SHE: variants seen among roughly 807,000 people sequenced by gnomAD.
SHE encodes SH2 domain-containing adapter protein E.
A neutral mutation model predicts 49.8 loss-of-function variants in SHE; 11 were observed. The observed-to-expected ratio is 0.22, with a 90% CI of 0.14 to 0.37. The LOEUF is 0.37. Ranked by LOEUF, SHE falls within the 10% of genes least tolerant of loss-of-function variation. The pLI, the probability that SHE is intolerant of heterozygous loss-of-function variation, is 1.00. For synonymous variants in SHE, 310 were observed against 278.1 expected (o/e 1.11, Z -1.14); for missense variants, 624 against 655.5 (o/e 0.95, Z 0.52).
rs1692024126 is a variant in SHE, at chr1:154,481,774, C to T, written c.*2375G>A. The T allele has an allele frequency of 1.0e-6, 1 of 963,010 alleles. No individual in the cohort carries two copies. The highest frequency in any genetic ancestry group is 4.8e-5 in the South Asian group (1 of 20,802). 59.7% of individuals were successfully genotyped at this position (963,010 alleles called of 1,614,324 possible). A position where few individuals can be genotyped will look rare whatever the true frequency, so the allele number is the denominator to read the frequency against. On this transcript the variant is annotated 3_prime_UTR_variant, in exon 6 of 6. Coordinates refer to ENST00000304760, the MANE Select transcript of SHE (RefSeq NM_001010846.3). ...TGAAAAAACCTTTTAAAATCTTACA[C>T]TAAAGATATAGTAAATGAACCAATA... is the stretch of plus-strand genomic sequence containing the variant.
At chr1:154,501,384 C>T in intron 1 of SHE, 52 bp downstream of exon 1, 1 of 1,574,532 alleles carries the variant, frequency 6.4e-7, no homozygotes, top group Non-Finnish European at 8.7e-7. Flanking sequence ...TTAGCAGGCG[C>T]CCAGGGCTCC....
downstream of SHE, among the ~76,000 whole-genome samples, chr1:154,477,168 G>A (rs1313691484): frequency 6.6e-6 from 1 of 152,210 alleles, no homozygotes; most frequent in Non-Finnish European, 1.5e-5. Flanking sequence ...TGTCCTGGAG[G>A]TGGAGATGGA....
intron 4 of SHE, 103 bp downstream of exon 4, chr1:154,486,424 C>CATTAACA (rs1332891662): frequency 5.2e-5 from 76 of 1,470,294 alleles, no homozygotes; most frequent in Non-Finnish European, 6.5e-5. Context: ...GGCAAGTGTT[C>CATTAACA]ATTAACAAAA....
chr1:154,478,367 C>T (rs1054746025), downstream of SHE, among the ~76,000 whole-genome samples: 4 of 141,722 alleles, frequency 2.8e-5, no homozygotes, highest in Non-Finnish European at 4.5e-5. Context: ...GGCTGTGCAG[C>T]GAAGAAAATG....
rs1692627851 is a variant in SHE at position 154,499,131 on chromosome 1, A to T, written c.699T>A (p.Asp233Glu). 3.1e-6 allele frequency: 5 copies of T among 1,614,162 alleles called. No individual in the cohort carries two copies. Among genetic ancestry groups the T allele is most frequent in the Non-Finnish European group, 4.2e-6 (5 of 1,180,012 alleles). The change falls in exon 2 of 6, where the codon GAT (aspartate) becomes GAA (glutamate). Residue 233 changes from aspartate (D) to glutamate (E), a missense_variant. Physicochemically the swap from Asp to Glu is conservative, Grantham distance 45. This residue lies in a region of SHE where 7 missense variants were observed against 25.7 expected (regional missense o/e 0.27). Coordinates refer to ENST00000304760, the MANE Select transcript of SHE (RefSeq NM_001010846.3). ...ACAAACCTGTTATCATTTGCTGTGCATCATATGGTTCCATGTAACCGTCGT... is the reference window on the plus strand; with the variant it reads ...ACAAACCTGTTATCATTTGCTGTGCTTCATATGGTTCCATGTAACCGTCGT... Reference protein sequence around the residue: ...GENDGYMEPYDAQQMITEIRR... With the variant: ...GENDGYMEPYEAQQMITEIRR...
chr1:154,470,208 G>A (rs2149284878), exon 2 of SHE: 1 of 763,986 alleles, frequency 1.3e-6, no homozygotes, highest in Non-Finnish European at 1.9e-6. Context: ...TGTCACCCAG[G>A]TGGCCAGGCT....
At chr1:154,477,771 G>A (rs1468877802), downstream of SHE, among the ~76,000 whole-genome samples, 2 of 151,554 alleles carry the variant, frequency 1.3e-5, no homozygotes, top group East Asian at 3.9e-4. Context: ...CATGCCTGTA[G>A]TCCCAGCTAC....
chr1:154,497,584 A>T (rs1692570846), intron 2 of SHE, among the ~76,000 whole-genome samples: 1 of 152,272 alleles, frequency 6.6e-6, no homozygotes, highest in Non-Finnish European at 1.5e-5. Flanking sequence ...CTTAGCTCAC[A>T]AACTGGAATT....
chr1:154,479,601 A>C lies in SHE; in HGVS notation c.*4548T>G. ...AGTTTTATAAAATATTTCTGATTTA[A>C]ATTACTAAGGCACTATAGATAGACA... On this transcript the variant is annotated 3_prime_UTR_variant, in exon 6 of 6. Coordinates refer to ENST00000304760, the MANE Select transcript of SHE (RefSeq NM_001010846.3). 1 of 971,894 alleles carries C rather than the reference A, an allele frequency of 1.0e-6. No homozygotes were observed. Among genetic ancestry groups the C allele is most frequent in the Non-Finnish European group, 1.2e-6 (1 of 817,682 alleles). The allele number at this position is 971,894 out of a possible 1,614,324, so 60.2% of individuals were successfully genotyped here. A position where few individuals can be genotyped will look rare whatever the true frequency, so the allele number is the denominator to read the frequency against.
At chr1:154,500,673 G>A (rs548219779) in intron 1 of SHE, among the ~76,000 whole-genome samples, 1 of 152,310 alleles carries the variant, frequency 6.6e-6, no homozygotes, top group African/African-American at 2.4e-5. Context: ...AATGGAGGGA[G>A]TCCCTTCCTA....
At chr1:154,486,785 A>G (rs1692194328) in intron 3 of SHE, 102 bp from the exon 4 acceptor site, 2 of 1,355,746 alleles carry the variant, frequency 1.5e-6, no homozygotes, top group African/African-American at 2.9e-5. Context: ...GGAAAGAAGC[A>G]TTTTCCCCCT....
chr1:154,485,811 A>G, intron 5 of SHE, 132 bp downstream of exon 5: 1 of 1,125,924 alleles, frequency 8.9e-7, no homozygotes, highest in Non-Finnish European at 1.3e-6. Flanking sequence ...TCCATTGTCC[A>G]AACAAATGCC....
rs779645667 is a variant in SHE at position 154,494,374 on chromosome 1, G to GTTTT, written c.718+4734_718+4737dup. ...ATCACAGGCAAAGACAGACATAACA[G>GTTTT]TTTTTTTTTTTTTTTTTTTTTTAGA... On this transcript the variant is annotated intron_variant, in intron 2 of 5. Transcript: ENST00000304760. Among the ~76,000 whole-genome samples, 150 of 118,750 alleles carry GTTTT rather than the reference G, an allele frequency of 1.3e-3. 2 individuals carry two copies. Among genetic ancestry groups the GTTTT allele is most frequent in the African/African-American group, 2.6e-3 (84 of 32,180 alleles). The allele number at this position is 118,750 out of a possible 152,430, so 77.9% of individuals were successfully genotyped here. A position where few individuals can be genotyped will look rare whatever the true frequency, so the allele number is the denominator to read the frequency against.
chr1:154,497,672 A>T (rs1056101827), intron 2 of SHE, among the ~76,000 whole-genome samples: 1 of 150,740 alleles, frequency 6.6e-6, no homozygotes, highest in African/African-American at 2.4e-5. Flanking sequence ...CACAGCAATG[A>T]TTTTTTTTTC....
At position 154,483,725 on chromosome 1, in the gene SHE, C is replaced by A; in HGVS notation, c.*424G>T. 1.0e-6 allele frequency: 1 copy of A among 997,146 alleles called. No homozygotes were observed. The highest frequency in any genetic ancestry group is 1.2e-6 in the Non-Finnish European group (1 of 837,216). 61.8% of individuals were successfully genotyped at this position (997,146 alleles called of 1,614,324 possible). Reference sequence around the variant, plus strand: ...CCAAAGACTTGGCCGGGTGCAGTGGCTCATGCCTGTAATCCAGGCACTCGG... The same window carrying A: ...CCAAAGACTTGGCCGGGTGCAGTGGATCATGCCTGTAATCCAGGCACTCGG... On this transcript the variant is annotated 3_prime_UTR_variant, in exon 6 of 6. Coordinates refer to ENST00000304760, the MANE Select transcript of SHE (RefSeq NM_001010846.3).
chr1:154,497,311 AACAGAAGAGACAAAG>A (rs1168288055), intron 2 of SHE, among the ~76,000 whole-genome samples: 1 of 152,242 alleles, frequency 6.6e-6, no homozygotes, highest in Non-Finnish European at 1.5e-5. Flanking sequence ...ATCTGTTCTA[AACAGAAGAGACAAAG>A]TCTTTCATGT....
chr1:154,495,940 T>C lies in SHE; in HGVS notation c.718+3172A>G, dbSNP rs1054082039. On this transcript the variant is annotated intron_variant, in intron 2 of 5. Coordinates refer to ENST00000304760, the MANE Select transcript of SHE (RefSeq NM_001010846.3). Reference sequence around the variant, plus strand: ...AAATCCTTTCCATCTTCAGAAATGCTGAAACAAGTAAAAAAAACTCTCATT... The same window carrying C: ...AAATCCTTTCCATCTTCAGAAATGCCGAAACAAGTAAAAAAAACTCTCATT... Among the ~76,000 whole-genome samples, 9 of 152,232 alleles carry C rather than the reference T, an allele frequency of 5.9e-5. No individual in the cohort carries two copies. In the South Asian group the frequency reaches 1.9e-3, roughly 32 times the overall value.
chr1:154,472,763 A>G (rs1691775062), intron 1 of SHE, among the ~76,000 whole-genome samples: 1 of 152,182 alleles, frequency 6.6e-6, no homozygotes, highest in Admixed American at 6.5e-5. Context: ...GTTAACTAGA[A>G]AACAAAAATC....
intron 2 of SHE, among the ~76,000 whole-genome samples, chr1:154,495,949 T>TA (rs1228906406): frequency 5.9e-5 from 9 of 151,872 alleles, no homozygotes; most frequent in South Asian, 4.2e-4. Context: ...CTGAAACAAG[T>TA]AAAAAAAACT....
Sources: gnomAD v4.1 joint callset for allele counts (sites outside exome capture counted in the v4.1 genomes callset) on GRCh38, gnomAD v4.1.1 for gene constraint, gnomAD v4.1.1 regional missense constraint, MANE v1.5 for transcripts, NCBI Gene and HGNC (gene_info 2026-07-23, HGNC 2026-07-21) for gene names.